CUL5: variants seen among roughly 807,000 people sequenced by gnomAD.
CUL5 encodes the protein cullin-5.
A neutral mutation model predicts 108.8 loss-of-function variants in CUL5; 26 were observed. The observed-to-expected ratio is 0.24, with a 90% CI of 0.18 to 0.33. CUL5 has a LOEUF of 0.33. Among genes scored for constraint, CUL5 ranks in the 10% least tolerant of loss-of-function variants. The pLI is 1.00. For missense variants in CUL5, 524 were observed against 909.2 expected (o/e 0.58, Z 5.45); for synonymous variants, 334 against 298.0 (o/e 1.12, Z -1.25).
chr11:108,059,816 G>A (rs545507129), intron 7 of CUL5, among the ~76,000 whole-genome samples: 42 of 151,878 alleles, frequency 2.8e-4, no homozygotes, highest in African/African-American at 9.4e-4. Flanking sequence ...CCCAGGAGGC[G>A]GAGGTTGCAG....
At chr11:108,090,626 T>C (rs1864327887) in intron 13 of CUL5, among the ~76,000 whole-genome samples, 1 of 152,236 alleles carries the variant, frequency 6.6e-6, no homozygotes, top group Non-Finnish European at 1.5e-5. Flanking sequence ...AAAGAACCTT[T>C]AAATGATGGC....
chr11:108,080,969 TTTATTTA>T (rs1034673850), intron 11 of CUL5, among the ~76,000 whole-genome samples: 1 of 144,876 alleles, frequency 6.9e-6, no homozygotes, highest in African/African-American at 2.5e-5. Context: ...TATTTATTTA[TTTATTTA>T]TTTATTTATT....
At chr11:108,012,072 TTTTG>T (rs1862070040) in intron 1 of CUL5, among the ~76,000 whole-genome samples, 1 of 152,196 alleles carries the variant, frequency 6.6e-6, no homozygotes, top group South Asian at 2.1e-4. Flanking sequence ...TGCTTAGGGG[TTTTG>T]TATCTCTGAA....
At chr11:108,094,250 G>A in intron 13 of CUL5, 141 bp from the exon 14 acceptor site, 1 of 606,402 alleles carries the variant, frequency 1.6e-6, no homozygotes, top group Non-Finnish European at 2.8e-6. Context: ...AATTTCATAG[G>A]TATTAGACAA....
In CUL5 at chr11:108,050,062, G is replaced by A. The variant is rs1863171823; in HGVS notation, c.407G>A (p.Arg136Gln). Residue 136 changes from arginine (R) to glutamine (Q), a missense_variant, in exon 4 of 19, where the codon CGA (arginine) becomes CAA (glutamine). By Grantham distance (43) the Arg-to-Gln change is conservative (BLOSUM62 1). Around this residue, in one of 8 missense-constraint regions of CUL5, gnomAD observed 170 missense variants for 305.1 expected, o/e 0.56. Transcript: ENST00000393094. ...KKSNVEDSIVRKLMLDTWNES... is the reference protein window; with the variant it reads ...KKSNVEDSIVQKLMLDTWNES... ...TCAAATGTGGAAGACAGTATTGTTC[G>A]AAAGGTAAGACTATTTTTCTCCTTG... is the stretch of plus-strand genomic sequence containing the variant. 7 of 1,592,370 alleles carry A rather than the reference G, an allele frequency of 4.4e-6. No homozygotes were observed. The highest frequency in any genetic ancestry group is 2.3e-5 in the East Asian group (1 of 44,328).
At chr11:108,083,394 T>C (rs1864146772) in intron 11 of CUL5, among the ~76,000 whole-genome samples, 1 of 152,218 alleles carries the variant, frequency 6.6e-6, no homozygotes, top group Non-Finnish European at 1.5e-5. Context: ...TATTTGTGAA[T>C]CTTTATCTAC....
At chr11:108,088,384 T>C in intron 11 of CUL5, 143 bp from the exon 12 acceptor site, 1 of 840,538 alleles carries the variant, frequency 1.2e-6, no homozygotes. Flanking sequence ...TTAGGCACCC[T>C]AGGATGCTTG....
intron 3 of CUL5, among the ~76,000 whole-genome samples, chr11:108,048,109 G>A (rs1041408987): frequency 4.6e-5 from 7 of 151,422 alleles, no homozygotes; most frequent in Admixed American, 2.0e-4. Flanking sequence ...ATTTTTAAAC[G>A]CTTAAGAAAT....
intron 7 of CUL5, among the ~76,000 whole-genome samples, chr11:108,055,885 C>G (rs1037894111): frequency 9.9e-5 from 15 of 152,188 alleles, no homozygotes; most frequent in Non-Finnish European, 2.2e-4. Flanking sequence ...CCTGCCTTGG[C>G]CTCCCAGAGT....
intron 18 of CUL5, among the ~76,000 whole-genome samples, chr11:108,100,801 C>T (rs1422569304): frequency 2.0e-5 from 3 of 152,146 alleles, no homozygotes; most frequent in Admixed American, 6.5e-5. Flanking sequence ...GAGGCCGAGG[C>T]GGGTGGATCA....
chr11:108,101,466 C>G (rs923624464), intron 18 of CUL5, among the ~76,000 whole-genome samples: 1 of 152,256 alleles, frequency 6.6e-6, no homozygotes, highest in African/African-American at 2.4e-5. Flanking sequence ...CTTCCCTGCT[C>G]TCTTTCCCCT....
At chr11:108,100,330 G>C (rs1864624473) in intron 18 of CUL5, among the ~76,000 whole-genome samples, 1 of 151,494 alleles carries the variant, frequency 6.6e-6, no homozygotes, top group African/African-American at 2.4e-5. Flanking sequence ...ATTGCCTGAG[G>C]TCAGGAGTTC....
chr11:108,104,082 G>A, intron 18 of CUL5, 108 bp from the exon 19 acceptor site: 1 of 630,946 alleles, frequency 1.6e-6, no homozygotes, highest in African/African-American at 1.9e-5. Context: ...ATTCATTTGG[G>A]TAGATGTTGG....
intron 2 of CUL5, among the ~76,000 whole-genome samples, chr11:108,037,050 T>C (rs985479720): frequency 1.3e-5 from 2 of 152,014 alleles, no homozygotes; most frequent in African/African-American, 4.8e-5. Flanking sequence ...TACAAACTTT[T>C]AACATTTTTG....
intron 1 of CUL5, among the ~76,000 whole-genome samples, chr11:108,016,807 C>A (rs1366759477): frequency 2.0e-5 from 3 of 151,036 alleles, no homozygotes; most frequent in African/African-American, 7.3e-5. Context: ...CAAAAAAAAA[C>A]AAACAAAAAG....
intron 1 of CUL5, 79 bp from the exon 2 acceptor site, chr11:108,033,723 C>G: frequency 1.1e-5 from 9 of 822,940 alleles, no homozygotes; most frequent in Non-Finnish European, 1.7e-5. Flanking sequence ...ATTTCTCTAG[C>G]TGTCTCATAA....
chr11:108,038,266 G>GA (rs1380384310), intron 2 of CUL5, among the ~76,000 whole-genome samples: 1 of 152,136 alleles, frequency 6.6e-6, no homozygotes, highest in African/African-American at 2.4e-5. Context: ...TTATTATTGA[G>GA]AATAGTGCTT....
At chr11:108,014,334 C>T (rs1295673228) in intron 1 of CUL5, among the ~76,000 whole-genome samples, 2 of 152,034 alleles carry the variant, frequency 1.3e-5, no homozygotes, top group Non-Finnish European at 2.9e-5. Flanking sequence ...AATAGTGTTC[C>T]TTGGGATTGT....
At position 108,107,705 on chromosome 11, in the gene CUL5, T is replaced by TTTTATTTTTTAAG. The variant is rs538012708; in HGVS notation, c.*3324_*3336dup. 37 of 152,778 alleles carry TTTTATTTTTTAAG rather than the reference T, an allele frequency of 2.4e-4. No individual in the cohort carries two copies. The South Asian group carries it at 7.7e-3, about 32-fold the overall frequency. The allele number at this position is 152,778 out of a possible 1,614,324, so 9.5% of individuals were successfully genotyped here. ...TTTGATGAACTGCTTAATTTTTGGATTTTATTTTTTAAGTTGTATAATTTA... is the reference window on the plus strand; with the variant it reads ...TTTGATGAACTGCTTAATTTTTGGATTTTATTTTTTAAGTTTATTTTTTAAGTTGTATAATTTA... On this transcript the variant is annotated 3_prime_UTR_variant, in exon 19 of 19. Coordinates refer to ENST00000393094, the MANE Select transcript of CUL5 (RefSeq NM_003478.6).
Sources: gnomAD v4.1 joint callset for allele counts (sites outside exome capture counted in the v4.1 genomes callset) on GRCh38, gnomAD v4.1.1 for gene constraint, gnomAD v4.1.1 regional missense constraint, MANE v1.5 for transcripts, NCBI Gene and HGNC (gene_info 2026-07-23, HGNC 2026-07-21) for gene names.